Variants in SLX4IP observed in about 807,000 individuals in gnomAD.
SLX4IP encodes the protein protein SLX4IP.
A neutral mutation model predicts 32.9 loss-of-function variants in SLX4IP; 34 were observed. That is an observed-to-expected ratio of 1.03 (90% CI 0.79 to 1.38). The LOEUF (loss-of-function observed/expected upper bound fraction) is 1.38. Among genes scored for constraint, SLX4IP ranks in the 40% most tolerant of loss-of-function variants. SLX4IP has a pLI of 0.00. For missense variants in SLX4IP, 444 were observed against 479.0 expected (o/e 0.93, Z 0.68); for synonymous variants, 172 against 171.7 (o/e 1.00, Z -0.01).
chr20:10,591,339 T>C (rs970491075), intron 4 of SLX4IP, among the ~76,000 whole-genome samples: 1 of 152,360 alleles, frequency 6.6e-6, no homozygotes. Flanking sequence ...TTTGGGTCCA[T>C]GGTCCTGTTA....
At chr20:10,470,436 T>C (rs225139) in intron 2 of SLX4IP, among the ~76,000 whole-genome samples, 77,149 of 152,042 alleles carry the variant, frequency 0.51, 21,072 homozygotes, top group East Asian at 0.84. Flanking sequence ...ACTTCTCTAG[T>C]AGTAGGCTCT....
chr20:10,452,676 A>AT (rs764822188), intron 1 of SLX4IP, among the ~76,000 whole-genome samples: 9,740 of 97,430 alleles, frequency 0.1, 605 homozygotes, highest in African/African-American at 0.19. Context: ...AAAAAAAAAA[A>AT]AAAAATATAT....
chr20:10,481,164 G>A (rs962158147), intron 2 of SLX4IP, among the ~76,000 whole-genome samples: 1 of 151,618 alleles, frequency 6.6e-6, no homozygotes, highest in African/African-American at 2.4e-5. Context: ...AAAAAGGTTT[G>A]TATAAATTTA....
intron 2 of SLX4IP, among the ~76,000 whole-genome samples, chr20:10,466,600 G>A (rs1195124940): frequency 3.3e-5 from 5 of 152,076 alleles, no homozygotes; most frequent in Admixed American, 1.3e-4. Flanking sequence ...GGAAAAACTC[G>A]GACCCGCCAG....
intron 2 of SLX4IP, among the ~76,000 whole-genome samples, chr20:10,458,860 C>A (rs1343421126): frequency 6.6e-6 from 1 of 152,094 alleles, no homozygotes; most frequent in Non-Finnish European, 1.5e-5. Context: ...TGATTTATAT[C>A]TTGGGAGGTA....
At chr20:10,533,333 T>C (rs1443876214) in intron 2 of SLX4IP, among the ~76,000 whole-genome samples, 1 of 152,074 alleles carries the variant, frequency 6.6e-6, no homozygotes, top group Non-Finnish European at 1.5e-5. Flanking sequence ...AACAGAGTCT[T>C]GCTCTGTCGC....
chr20:10,619,866 A>G (rs2067087061), intron 6 of SLX4IP, among the ~76,000 whole-genome samples: 2 of 152,214 alleles, frequency 1.3e-5, no homozygotes, highest in East Asian at 3.8e-4. Context: ...ACAAAAAAAA[A>G]GGGAGTATAA....
At chr20:10,441,004 C>T (rs141342502) in intron 1 of SLX4IP, among the ~76,000 whole-genome samples, 17 of 152,188 alleles carry the variant, frequency 1.1e-4, no homozygotes, top group African/African-American at 4.1e-4. Flanking sequence ...GTAAGAAAAC[C>T]AGAGACTTAA....
chr20:10,572,762 A>G (rs2066479941), intron 4 of SLX4IP, among the ~76,000 whole-genome samples: 1 of 152,088 alleles, frequency 6.6e-6, no homozygotes, highest in Non-Finnish European at 1.5e-5. Flanking sequence ...CTAAAATCTT[A>G]GCTTATATCT....
At chr20:10,520,535 GT>G (rs59632528) in intron 2 of SLX4IP, among the ~76,000 whole-genome samples, 87,170 of 151,846 alleles carry the variant, frequency 0.57, 25,633 homozygotes, top group South Asian at 0.72. Flanking sequence ...AATTTATCTA[GT>G]TTTTTTCTTT....
chr20:10,519,855 C>G (rs1667376871), intron 2 of SLX4IP, among the ~76,000 whole-genome samples: 1 of 152,172 alleles, frequency 6.6e-6, no homozygotes, highest in Non-Finnish European at 1.5e-5. Context: ...TATGATGGTT[C>G]CACATCCTGG....
chr20:10,547,410 G>A (rs563317146), intron 2 of SLX4IP, among the ~76,000 whole-genome samples: 16 of 152,316 alleles, frequency 1.1e-4, no homozygotes, highest in Admixed American at 5.2e-4. Context: ...CTGAACAGGA[G>A]ACAGGAGCTC....
At chr20:10,610,621 C>T (rs1366638882) in intron 6 of SLX4IP, among the ~76,000 whole-genome samples, 2 of 152,212 alleles carry the variant, frequency 1.3e-5, no homozygotes, top group Non-Finnish European at 2.9e-5. Flanking sequence ...AGGTGCTAGC[C>T]CCTGTGCCAA....
chr20:10,621,263 C>A (rs772964443), intron 6 of SLX4IP, 51 bp from the exon 7 acceptor site: 85 of 1,512,790 alleles, frequency 5.6e-5, no homozygotes, highest in Non-Finnish European at 7.6e-5. Context: ...TGTTTTCTCT[C>A]ATGTTCAGCT....
intron 6 of SLX4IP, among the ~76,000 whole-genome samples, chr20:10,612,528 CA>C (rs373934131): frequency 1.7e-3 from 252 of 152,294 alleles, no homozygotes; most frequent in Middle Eastern, 0.014. Flanking sequence ...GCCTACTTTT[CA>C]AAATACTCTG....
In SLX4IP at chr20:10,626,655, T is replaced by C. The variant is rs1024497539; in HGVS notation, c.*3276T>C. On this transcript the variant is annotated 3_prime_UTR_variant, in exon 8 of 8. Coordinates refer to ENST00000334534, the MANE Select transcript of SLX4IP (RefSeq NM_001009608.3). Reference sequence around the variant, plus strand: ...TGGGAACAATCTGTATGATTTTTCTTTCACATTTTCTTATCTTTGCCACTG... The same window carrying C: ...TGGGAACAATCTGTATGATTTTTCTCTCACATTTTCTTATCTTTGCCACTG... The C allele has an allele frequency of 9.9e-5, 15 of 152,210 alleles. No individual in the cohort carries two copies. Among genetic ancestry groups the C allele is most frequent in the African/African-American group, 3.4e-4 (14 of 41,454 alleles). The allele number at this position is 152,210 out of a possible 1,614,324, so 9.4% of individuals were successfully genotyped here.
At chr20:10,538,090 C>T (rs547104382) in intron 2 of SLX4IP, among the ~76,000 whole-genome samples, 1 of 152,278 alleles carries the variant, frequency 6.6e-6, no homozygotes, top group Non-Finnish European at 1.5e-5. Context: ...CAACTTCTGG[C>T]AAGGTAAAGA....
At chr20:10,533,255 G>A (rs1036871888) in intron 2 of SLX4IP, among the ~76,000 whole-genome samples, 1 of 152,056 alleles carries the variant, frequency 6.6e-6, no homozygotes, top group Non-Finnish European at 1.5e-5. Flanking sequence ...ATGAAAATTT[G>A]CAACTCATGT....
chr20:10,557,691 C>A (rs1006397970), intron 3 of SLX4IP, among the ~76,000 whole-genome samples: 3 of 152,204 alleles, frequency 2.0e-5, no homozygotes, highest in Non-Finnish European at 4.4e-5. Flanking sequence ...TTCGGCTTTG[C>A]CACCTTAGAC....
Sources: allele counts gnomAD v4.1 joint callset (sites outside exome capture counted in the v4.1 genomes callset), GRCh38; gene constraint gnomAD v4.1.1; transcripts MANE v1.5; gene names NCBI Gene and HGNC (gene_info 2026-07-23, HGNC 2026-07-21).